LIMS4: variants seen among roughly 807,000 people sequenced by gnomAD.
The protein encoded by LIMS4 is LIM zinc finger domain containing 4.
chr2:110,386,683 C>T, the LIMS4 span: 305 of 749,920 alleles, frequency 4.1e-4, 10 homozygotes, highest in Admixed American at 2.9e-4. Flanking sequence ...CTGCAGCTCC[C>T]GCCACAGGAA....
intron 5 of LIMS4, among the ~76,000 whole-genome samples, chr2:110,453,715 TG>T (rs1355057904): frequency 6.6e-6 from 1 of 152,060 alleles, no homozygotes; most frequent in African/African-American, 2.4e-5. Context: ...TAATTTTTTT[TG>T]TATTTTTTAG....
At chr2:110,407,816 C>T in the LIMS4 span, 1 of 103,482 alleles carries the variant, frequency 9.7e-6, no homozygotes, top group African/African-American at 3.9e-5. Context: ...AATCTATGTG[C>T]TGTACCCTAT....
the LIMS4 span, among the ~76,000 whole-genome samples, chr2:110,371,215 A>T: frequency 2.6e-5 from 3 of 115,406 alleles, no homozygotes; most frequent in Non-Finnish European, 5.0e-5. Flanking sequence ...ACAAATACTT[A>T]CTGTTTCGTT....
At chr2:110,392,057 G>A in the LIMS4 span, among the ~76,000 whole-genome samples, 1 of 151,910 alleles carries the variant, frequency 6.6e-6, no homozygotes, top group African/African-American at 2.4e-5. Flanking sequence ...TACTTGCACA[G>A]CACATTGACT....
chr2:110,379,240 T>C, the LIMS4 span, among the ~76,000 whole-genome samples: 1 of 151,700 alleles, frequency 6.6e-6, no homozygotes, highest in Non-Finnish European at 1.5e-5. Context: ...GTTTGGTTGG[T>C]TTGTTGCTTG....
the LIMS4 span, chr2:110,360,645 G>A: frequency 3.4e-6 from 5 of 1,477,798 alleles, no homozygotes; most frequent in Non-Finnish European, 9.3e-7. Context: ...ATTTGATGAA[G>A]GCCATACCAT....
chr2:110,411,461 T>C, the LIMS4 span, among the ~76,000 whole-genome samples: 1 of 137,192 alleles, frequency 7.3e-6, no homozygotes, highest in African/African-American at 3.1e-5. Flanking sequence ...CATTGAGGCT[T>C]TTTAAAAAAA....
chr2:110,392,019 G>A, the LIMS4 span, among the ~76,000 whole-genome samples: 2 of 150,914 alleles, frequency 1.3e-5, no homozygotes, highest in Non-Finnish European at 3.0e-5. Context: ...GATAAATTTG[G>A]GATAAATCTG....
the LIMS4 span, among the ~76,000 whole-genome samples, chr2:110,365,847 T>C: frequency 0.035 from 4,978 of 144,174 alleles, 152 homozygotes; most frequent in African/African-American, 0.081. Flanking sequence ...AAAGGAGACA[T>C]TATCAATGAC....
the LIMS4 span, among the ~76,000 whole-genome samples, chr2:110,390,196 AC>A: frequency 1.5e-5 from 2 of 135,634 alleles, no homozygotes; most frequent in African/African-American, 6.3e-5. Context: ...AATGCTTTCT[AC>A]CCCTGGAGTT....
chr2:110,411,149 G>A, the LIMS4 span, among the ~76,000 whole-genome samples: 4 of 51,198 alleles, frequency 7.8e-5, no homozygotes, highest in East Asian at 6.4e-4. Context: ...CAAGTGATCC[G>A]CCTACCTCGG....
At chr2:110,389,854 A>G in the LIMS4 span, among the ~76,000 whole-genome samples, 1 of 147,526 alleles carries the variant, frequency 6.8e-6, no homozygotes, top group Non-Finnish European at 1.5e-5. Context: ...CAGTCACCAG[A>G]ACCATGACCA....
the LIMS4 span, chr2:110,362,108 G>A: frequency 2.3e-6 from 2 of 865,728 alleles, no homozygotes; most frequent in African/African-American, 1.9e-5. Flanking sequence ...CACTGGTTAG[G>A]AAGCAGCATC....
At chr2:110,419,656 C>CAAAAAAAAAAAAA in the LIMS4 span, among the ~76,000 whole-genome samples, 7 of 8,134 alleles carry the variant, frequency 8.6e-4, no homozygotes, top group African/African-American at 1.2e-3. Context: ...ACAACAACAA[C>CAAAAAAAAAAAAA]AAAAAAAAAA....
the LIMS4 span, among the ~76,000 whole-genome samples, chr2:110,367,958 C>T: frequency 6.9e-6 from 1 of 144,894 alleles, no homozygotes; most frequent in South Asian, 2.2e-4. Context: ...CTTTAAAGTG[C>T]TTAATCTTAT....
the LIMS4 span, among the ~76,000 whole-genome samples, chr2:110,379,056 T>C: frequency 6.8e-6 from 1 of 147,514 alleles, no homozygotes. Flanking sequence ...ATTAAGTGTG[T>C]GGCACCATGG....
At chr2:110,391,112 A>G in the LIMS4 span, among the ~76,000 whole-genome samples, 1 of 101,226 alleles carries the variant, frequency 9.9e-6, no homozygotes, top group Admixed American at 1.2e-4. Flanking sequence ...GAGCTTAGAA[A>G]GGGGGACAGC....
chr2:110,424,425 AT>A, the LIMS4 span, among the ~76,000 whole-genome samples: 1 of 116,108 alleles, frequency 8.6e-6, no homozygotes, highest in Non-Finnish European at 1.7e-5. Flanking sequence ...ACCGCTCCTG[AT>A]TTTTTAAAAC....
At chr2:110,392,581 C>T in the LIMS4 span, among the ~76,000 whole-genome samples, 1 of 152,098 alleles carries the variant, frequency 6.6e-6, no homozygotes, top group Non-Finnish European at 1.5e-5. Context: ...CCTCCCCCAG[C>T]GCTGTGATGC....
Sources: gnomAD v4.1 joint callset for allele counts (sites outside exome capture counted in the v4.1 genomes callset) on GRCh38, gnomAD v4.1.1 for gene constraint, MANE v1.5 for transcripts, NCBI Gene and HGNC (gene_info 2026-07-23, HGNC 2026-07-21) for gene names.